LOC400499: variants seen among roughly 807,000 people sequenced by gnomAD.
chr16:11,470,332 C>G, the LOC400499 span, among the ~76,000 whole-genome samples: 5 of 152,210 alleles, frequency 3.3e-5, no homozygotes, highest in Admixed American at 3.3e-4. Flanking sequence ...AAACTCCCAG[C>G]ACCCTAGCCC....
chr16:11,421,588 G>A, the LOC400499 span, among the ~76,000 whole-genome samples: 32 of 152,170 alleles, frequency 2.1e-4, no homozygotes, highest in Non-Finnish European at 1.5e-5. Context: ...ATTTTTAGTA[G>A]AGACAGGGTT....
chr16:11,466,090 C>A, the LOC400499 span, among the ~76,000 whole-genome samples: 9 of 152,264 alleles, frequency 5.9e-5, no homozygotes, highest in African/African-American at 2.2e-4. Context: ...ATTCCACGGA[C>A]TATTACACAG....
chr16:11,437,765 A>G, the LOC400499 span, among the ~76,000 whole-genome samples: 2 of 152,178 alleles, frequency 1.3e-5, no homozygotes, highest in African/African-American at 2.4e-5. Flanking sequence ...GCTACTTGGG[A>G]GGCGGAGGCA....
the LOC400499 span, chr16:11,385,098 G>A: frequency 1.6e-6 from 2 of 1,231,974 alleles, no homozygotes; most frequent in African/African-American, 3.1e-5. Context: ...CAGGAGGTCT[G>A]ACCCACAGCC....
the LOC400499 span, chr16:11,516,314 G>C: frequency 2.5e-6 from 1 of 399,360 alleles, no homozygotes; most frequent in Non-Finnish European, 4.4e-6. Context: ...GGCACTGCAG[G>C]AGGGCGGACA....
the LOC400499 span, among the ~76,000 whole-genome samples, chr16:11,507,723 G>A: frequency 6.6e-6 from 1 of 152,182 alleles, no homozygotes; most frequent in Non-Finnish European, 1.5e-5. Flanking sequence ...TTTGTGTCCA[G>A]AAGTTCAAGA....
chr16:11,384,770 A>C, the LOC400499 span: 1 of 905,226 alleles, frequency 1.1e-6, no homozygotes, highest in Admixed American at 4.3e-5. Context: ...CATGCTAGAG[A>C]CGAGGCCGGC....
chr16:11,423,891 G>A, the LOC400499 span, among the ~76,000 whole-genome samples: 1 of 152,352 alleles, frequency 6.6e-6, no homozygotes, highest in South Asian at 2.1e-4. Context: ...AGGGTACCCT[G>A]CAGCCCCGAG....
chr16:11,390,635 C>T, the LOC400499 span, among the ~76,000 whole-genome samples: 1 of 152,212 alleles, frequency 6.6e-6, no homozygotes, highest in Non-Finnish European at 1.5e-5. Context: ...GGAGTTGTCA[C>T]AGCAGGCCTG....
the LOC400499 span, among the ~76,000 whole-genome samples, chr16:11,495,834 C>A: frequency 6.6e-6 from 1 of 152,096 alleles, no homozygotes; most frequent in Non-Finnish European, 1.5e-5. Flanking sequence ...GGACGTGCCT[C>A]AGGTAGCCCA....
At chr16:11,408,438 T>C in the LOC400499 span, among the ~76,000 whole-genome samples, 48,036 of 149,650 alleles carry the variant, frequency 0.32, 8,190 homozygotes, top group South Asian at 0.39. Context: ...CACTTCAAAA[T>C]TGTCAGTGCA....
At chr16:11,450,904 T>C in the LOC400499 span, 1 of 1,231,070 alleles carries the variant, frequency 8.1e-7, no homozygotes, top group Non-Finnish European at 1.1e-6. Flanking sequence ...GAGAGTCTCA[T>C]CACAGCCGCA....
At chr16:11,393,641 A>G in the LOC400499 span, 3 of 1,160,454 alleles carry the variant, frequency 2.6e-6, no homozygotes, top group Non-Finnish European at 2.2e-6. Context: ...AGGCTCAGGA[A>G]GAGGCTGGCT....
chr16:11,419,855 A>T, the LOC400499 span, among the ~76,000 whole-genome samples: 221 of 151,924 alleles, frequency 1.5e-3, 1 homozygote, highest in African/African-American at 5.1e-3. Flanking sequence ...GCTCATCATC[A>T]CTGGCCATCA....
chr16:11,379,901 C>T, the LOC400499 span, among the ~76,000 whole-genome samples: 1 of 152,186 alleles, frequency 6.6e-6, no homozygotes, highest in South Asian at 2.1e-4. Flanking sequence ...AGTTCAATCA[C>T]ATACAAATAC....
the LOC400499 span, among the ~76,000 whole-genome samples, chr16:11,496,068 T>TC: frequency 1.3e-4 from 3 of 23,060 alleles, no homozygotes; most frequent in East Asian, 1.4e-3. Context: ...AGCTCTGTCC[T>TC]TTTTTTTTTT....
the LOC400499 span, among the ~76,000 whole-genome samples, chr16:11,473,354 A>AG: frequency 1.3e-5 from 2 of 150,322 alleles, no homozygotes; most frequent in Admixed American, 6.7e-5. Flanking sequence ...AAAAAAAAAA[A>AG]AGAAAAAAAA....
the LOC400499 span, among the ~76,000 whole-genome samples, chr16:11,423,521 G>A: frequency 1.3e-5 from 2 of 152,338 alleles, no homozygotes; most frequent in East Asian, 1.9e-4. Flanking sequence ...GGAGGAGGTG[G>A]CAGATGAGGA....
chr16:11,389,131 G>T, the LOC400499 span, among the ~76,000 whole-genome samples: 1 of 152,036 alleles, frequency 6.6e-6, no homozygotes, highest in African/African-American at 2.4e-5. Context: ...AGGCCTTTGT[G>T]CAGTAGTGAC....
Sources: gnomAD v4.1 joint callset for allele counts (sites outside exome capture counted in the v4.1 genomes callset) on GRCh38, gnomAD v4.1.1 for gene constraint, MANE v1.5 for transcripts.